DENND4C: variants seen among roughly 807,000 people sequenced by gnomAD.
The protein encoded by DENND4C is DENN domain containing 4C, also known as DENN domain-containing protein 4C.
A neutral mutation model predicts 203.0 loss-of-function variants in DENND4C; 108 were observed. The observed-to-expected ratio is 0.53, with a 90% CI of 0.46 to 0.62. DENND4C has a LOEUF of 0.62. Ranked by LOEUF, DENND4C falls within the 20% of genes least tolerant of loss-of-function variation. The pLI, the probability that DENND4C is intolerant of heterozygous loss-of-function variation, is 0.00. For missense variants in DENND4C, 2,481 were observed against 2,301.2 expected (o/e 1.08, Z -1.60); for synonymous variants, 871 against 792.4 (o/e 1.10, Z -1.67).
chr9:19,346,343 G>A lies in DENND4C; in HGVS notation c.3574G>A (p.Val1192Ile). Residue 1192 changes from valine to isoleucine, a missense_variant, in exon 23 of 33, where the codon GTT becomes ATT. By Grantham distance (29) the Val-to-Ile change is conservative (BLOSUM62 3). This residue lies in a region of DENND4C where 2,289 missense variants were observed against 2,113.3 expected (regional missense o/e 1.08). Transcript: ENST00000434457. ...EESQELLEPV[V>I]DDVPKTTATV... ...AAGCCAAGAACTCCTTGAGCCTGTG[G>A]TTGATGACGTACCTAAAACTACTGC... The A allele has an allele frequency of 6.2e-7, 1 of 1,614,160 alleles. No homozygotes were observed. Among genetic ancestry groups the A allele is most frequent in the Non-Finnish European group, 8.5e-7 (1 of 1,180,028 alleles).
At chr9:19,345,769 A>C (rs1822745546) in intron 22 of DENND4C, 152 bp from the exon 23 acceptor site, 1 of 696,242 alleles carries the variant, frequency 1.4e-6, no homozygotes. Flanking sequence ...TTTCCAGTGC[A>C]CTTTTTTTTA....
At chr9:19,347,151 A>G in intron 23 of DENND4C, 65 bp downstream of exon 23, 3 of 1,435,070 alleles carry the variant, frequency 2.1e-6, no homozygotes, top group South Asian at 1.3e-5. Flanking sequence ...TTCTAGAAAT[A>G]TATGTATTCT....
Position 19,316,847 on chromosome 9 carries a change from G to C in DENND4C, c.1807+8G>C. 1.9e-6 allele frequency: 3 copies of C among 1,601,290 alleles called. No individual in the cohort carries two copies. The highest frequency in any genetic ancestry group is 2.6e-6 in the Non-Finnish European group (3 of 1,175,360). ...CATTGTTTGACCGACAGGGTGAGTA[G>C]CATTGAAAGTACAATTCCTTTTATT... is the stretch of plus-strand genomic sequence containing the variant. On this transcript the variant is annotated splice_region_variant and intron_variant, in intron 12 of 32. Coordinates refer to ENST00000434457, the MANE Select transcript of DENND4C (RefSeq NM_001330640.2).
At chr9:19,257,461 C>G (rs1828276526) in intron 1 of DENND4C, among the ~76,000 whole-genome samples, 1 of 151,840 alleles carries the variant, frequency 6.6e-6, no homozygotes, top group African/African-American at 2.4e-5. Context: ...TAGAAAAGAT[C>G]TCAAATCATT....
intron 9 of DENND4C, among the ~76,000 whole-genome samples, chr9:19,304,581 G>A (rs1215430970): frequency 6.6e-6 from 1 of 150,928 alleles, no homozygotes; most frequent in Non-Finnish European, 1.5e-5. Flanking sequence ...CTGTCACCCA[G>A]GCTGGAGTGC....
chr9:19,241,007 A>G (rs1291028662), intron 1 of DENND4C, among the ~76,000 whole-genome samples: 9 of 152,134 alleles, frequency 5.9e-5, no homozygotes, highest in Non-Finnish European at 1.2e-4. Context: ...GGAACACAGA[A>G]CAGGACAGAT....
In DENND4C at chr9:19,313,387, T is replaced by C. The variant is rs531109935; in HGVS notation, c.1488-3030T>C. The stretch of plus-strand genomic sequence containing the variant: ...ATTAGGTACATTATCAGTCCTCATT[T>C]TGCAGATCAGAAAATTGAGTAACAG... On this transcript the variant is annotated intron_variant, in intron 10 of 32. Coordinates refer to ENST00000434457, the MANE Select transcript of DENND4C (RefSeq NM_001330640.2). 1.4e-4 allele frequency among the ~76,000 whole-genome samples: 21 copies of C among 152,354 alleles called. No homozygotes were observed. In the East Asian group the frequency reaches 3.1e-3, roughly 22 times the overall value.
intron 1 of DENND4C, among the ~76,000 whole-genome samples, chr9:19,262,950 T>C (rs769958715): frequency 6.6e-6 from 1 of 152,260 alleles, no homozygotes; most frequent in Non-Finnish European, 1.5e-5. Flanking sequence ...GTAATCGCTC[T>C]AGCTAGGACT....
At chr9:19,304,896 G>A (rs1340130151) in intron 9 of DENND4C, among the ~76,000 whole-genome samples, 1 of 150,566 alleles carries the variant, frequency 6.6e-6, no homozygotes, top group Non-Finnish European at 1.5e-5. Context: ...AGCATTCCCT[G>A]GAAAATAATT....
At position 19,369,314 on chromosome 9, in the gene DENND4C, T is replaced by C. The variant is rs1386539003; in HGVS notation, c.5525-523T>C. 2.0e-5 allele frequency among the ~76,000 whole-genome samples: 3 copies of C among 152,060 alleles called. No individual in the cohort carries two copies. In the East Asian group the frequency reaches 5.8e-4, roughly 29 times the overall value. On this transcript the variant is annotated intron_variant, in intron 30 of 32. Coordinates refer to ENST00000434457, the MANE Select transcript of DENND4C (RefSeq NM_001330640.2). Reference sequence around the variant, plus strand: ...TCCAGCCTCAGGCAGTAAGCCACCATATATTAGAAGAGAAAGGCAGAGTGA... The same window carrying C: ...TCCAGCCTCAGGCAGTAAGCCACCACATATTAGAAGAGAAAGGCAGAGTGA...
In DENND4C at chr9:19,352,525, T is replaced by A; in HGVS notation, c.4641T>A (p.Cys1547Ter). Residue 1547 changes from cysteine (C) to a stop codon, truncating the protein, a stop_gained, in exon 26 of 33, where the codon TGT becomes TGA. Transcript: ENST00000434457. LOFTEE classifies it high-confidence loss of function. ...LMSSCSQCRA[C>*]GALVYDEEIM... ...CCAGTTGTTCACAGTGTAGAGCTTG[T>A]GGAGCTTTAGTTTATGATGAAGAAA... is the stretch of plus-strand genomic sequence containing the variant. 1 of 1,579,316 alleles carries A rather than the reference T, an allele frequency of 6.3e-7. No homozygotes were observed. The highest frequency in any genetic ancestry group is 8.6e-7 in the Non-Finnish European group (1 of 1,161,190).
chr9:19,302,163 A>G (rs576267791), intron 9 of DENND4C, among the ~76,000 whole-genome samples: 6 of 152,330 alleles, frequency 3.9e-5, no homozygotes, highest in East Asian at 1.9e-4. Context: ...AAAATTATTT[A>G]TAAGTCATGA....
chr9:19,272,939 TG>T (rs1832046893), intron 1 of DENND4C, among the ~76,000 whole-genome samples: 1 of 147,206 alleles, frequency 6.8e-6, no homozygotes, highest in Non-Finnish European at 1.5e-5. Context: ...GGCTAATTTT[TG>T]TATCCTTTTT....
At chr9:19,290,677 A>T (rs1459597255) in intron 4 of DENND4C, 27 bp from the exon 5 acceptor site, 1 of 1,349,914 alleles carries the variant, frequency 7.4e-7, no homozygotes, top group Non-Finnish European at 9.6e-7. Flanking sequence ...TATTTAAAAA[A>T]TTTATTGTTG....
chr9:19,293,777 C>T (rs539159944), intron 5 of DENND4C, among the ~76,000 whole-genome samples: 1 of 152,220 alleles, frequency 6.6e-6, no homozygotes, highest in Non-Finnish European at 1.5e-5. Context: ...ATGCCACTTA[C>T]ACGGACTGTG....
At chr9:19,287,689 T>C (rs1041273001) in intron 3 of DENND4C, among the ~76,000 whole-genome samples, 4 of 151,870 alleles carry the variant, frequency 2.6e-5, no homozygotes, top group African/African-American at 9.7e-5. Context: ...TTGCCCAGGA[T>C]GCTCCTGAAC....
At chr9:19,350,640 G>A in intron 23 of DENND4C, 62 bp from the exon 24 acceptor site, 1 of 1,399,726 alleles carries the variant, frequency 7.1e-7, no homozygotes, top group Non-Finnish European at 9.8e-7. Flanking sequence ...GGGTAGAGTG[G>A]GTATAATCCC....
At chr9:19,296,613 A>G (rs1409541262) in intron 6 of DENND4C, among the ~76,000 whole-genome samples, 1 of 152,082 alleles carries the variant, frequency 6.6e-6, no homozygotes, top group Admixed American at 6.6e-5. Flanking sequence ...TCAGCCTCCC[A>G]AAGTGCTGGG....
chr9:19,267,030 A>T (rs937686521), intron 1 of DENND4C, among the ~76,000 whole-genome samples: 2 of 152,134 alleles, frequency 1.3e-5, no homozygotes, highest in African/African-American at 4.8e-5. Flanking sequence ...GTGGCCTAAT[A>T]GATGCTCTGT....
Sources: gnomAD v4.1 joint callset for allele counts (sites outside exome capture counted in the v4.1 genomes callset) on GRCh38, gnomAD v4.1.1 for gene constraint, gnomAD v4.1.1 regional missense constraint, MANE v1.5 for transcripts, NCBI Gene and HGNC (gene_info 2026-07-23, HGNC 2026-07-21) for gene names.